Variants in FAM110B observed in about 807,000 individuals in gnomAD.
FAM110B encodes the protein protein FAM110B.
In FAM110B, 6 loss-of-function variants were observed where a neutral mutation model predicts 20.4. The ratio of observed to expected loss-of-function variants is 0.29; its 90% CI spans 0.16 to 0.58. The LOEUF (loss-of-function observed/expected upper bound fraction) is 0.58. Among genes scored for constraint, FAM110B ranks in the 20% least tolerant of loss-of-function variants. The pLI is 0.90. For synonymous variants in FAM110B, 226 were observed against 214.1 expected (o/e 1.06, Z -0.49); for missense variants, 434 against 498.2 (o/e 0.87, Z 1.23).
At position 58,078,750 on chromosome 8, in the gene FAM110B, C is replaced by T. The variant is rs113359199; in HGVS notation, c.-325+3127C>T. ...TATTTTTAGTAGAGACGGGGTTTCACCATGTTAGCCAGGATGGTCTGGATC... is the reference window on the plus strand; with the variant it reads ...TATTTTTAGTAGAGACGGGGTTTCATCATGTTAGCCAGGATGGTCTGGATC... On this transcript the variant is annotated intron_variant, in intron 3 of 3. Coordinates refer to ENST00000519262, the MANE Select transcript of FAM110B (RefSeq NM_001377989.1). Among the ~76,000 whole-genome samples, 1,076 of 151,804 alleles carry T rather than the reference C, an allele frequency of 7.1e-3. 19 individuals are homozygous for T. The highest frequency in any genetic ancestry group is 0.025 in the African/African-American group (1,018 of 41,378).
At chr8:58,145,068 G>T (rs1406001484) in intron 3 of FAM110B, among the ~76,000 whole-genome samples, 1 of 152,076 alleles carries the variant, frequency 6.6e-6, no homozygotes, top group African/African-American at 2.4e-5. Context: ...TAGAGGATTT[G>T]GGAATATACA....
At chr8:58,094,685 G>T (rs760320968) in intron 3 of FAM110B, among the ~76,000 whole-genome samples, 1 of 152,118 alleles carries the variant, frequency 6.6e-6, no homozygotes, top group Non-Finnish European at 1.5e-5. Context: ...ATCGATGTTC[G>T]TCAGGGATAT....
chr8:58,016,048 C>T (rs7006812), intron 1 of FAM110B, among the ~76,000 whole-genome samples: 16,701 of 152,044 alleles, frequency 0.11, 1,437 homozygotes, highest in African/African-American at 0.23. Flanking sequence ...TAATACCTCA[C>T]GAAAACAAAG....
At chr8:58,088,026 A>G (rs1192207124) in intron 3 of FAM110B, among the ~76,000 whole-genome samples, 1 of 152,162 alleles carries the variant, frequency 6.6e-6, no homozygotes, top group African/African-American at 2.4e-5. Context: ...TAGGACCTCA[A>G]CTCAATACCT....
chr8:58,067,196 C>T (rs1308302627), intron 2 of FAM110B, among the ~76,000 whole-genome samples: 1 of 152,172 alleles, frequency 6.6e-6, no homozygotes, highest in Non-Finnish European at 1.5e-5. Context: ...TTTCAGTCTC[C>T]AGGGTTAGAG....
intron 3 of FAM110B, among the ~76,000 whole-genome samples, chr8:58,094,954 G>A (rs78019308): frequency 0.023 from 3,563 of 152,138 alleles, 59 homozygotes; most frequent in Non-Finnish European, 0.031. Flanking sequence ...TCAGGGATTC[G>A]ATTTCTTCAT....
chr8:58,042,850 C>CT (rs1805247881), intron 2 of FAM110B, among the ~76,000 whole-genome samples: 1 of 152,290 alleles, frequency 6.6e-6, no homozygotes, highest in African/African-American at 2.4e-5. Context: ...CATGCCAGGA[C>CT]TTTTTCTGGT....
At chr8:58,091,591 C>G (rs1806478694) in intron 3 of FAM110B, 1 of 152,102 alleles carries the variant, frequency 6.6e-6, no homozygotes, top group Non-Finnish European at 1.5e-5. Context: ...CACCAGGCTT[C>G]CATCAGAGCC....
intron 1 of FAM110B, among the ~76,000 whole-genome samples, chr8:58,006,440 A>G (rs1397000822): frequency 6.6e-6 from 1 of 152,070 alleles, no homozygotes; most frequent in Admixed American, 6.5e-5. Flanking sequence ...CCCTAGTGCT[A>G]TGGCCATGGC....
chr8:58,146,708 G>C lies in FAM110B; in HGVS notation c.478G>C (p.Ala160Pro), dbSNP rs771272946. The stretch of plus-strand genomic sequence containing the variant: ...CACTGACCTGCACCGTCACTCCTTC[G>C]CGGAGTCCCTGAAGGTCTACCCCAC... Reference protein sequence around the residue: ...EATDLHRHSFAESLKVYPTQG... With the variant: ...EATDLHRHSFPESLKVYPTQG... The change falls in exon 4 of 4, where the codon GCG (alanine) becomes CCG (proline). Residue 160 changes from alanine to proline, a missense_variant. Transcript: ENST00000519262. The C allele has an allele frequency of 1.2e-6, 2 of 1,612,114 alleles. No homozygotes were observed. The highest frequency in any genetic ancestry group is 3.3e-5 in the Admixed American group (2 of 59,804).
At chr8:58,074,849 C>G (rs759764571) in intron 2 of FAM110B, among the ~76,000 whole-genome samples, 1 of 152,004 alleles carries the variant, frequency 6.6e-6, no homozygotes, top group Admixed American at 6.6e-5. Context: ...CTCTGAGGCC[C>G]CTTTAAACTC....
At chr8:58,006,502 C>G (rs1227502372) in intron 1 of FAM110B, among the ~76,000 whole-genome samples, 2 of 152,068 alleles carry the variant, frequency 1.3e-5, no homozygotes, top group African/African-American at 4.8e-5. Flanking sequence ...AGAGTTTTAT[C>G]TAGACCTCCT....
At chr8:58,056,936 G>A (rs1805557992) in intron 2 of FAM110B, among the ~76,000 whole-genome samples, 1 of 152,168 alleles carries the variant, frequency 6.6e-6, no homozygotes, top group African/African-American at 2.4e-5. Flanking sequence ...GGGACGCAAG[G>A]CCGAAAATGA....
Position 58,038,151 on chromosome 8 carries a change from T to C in FAM110B, c.-414+6448T>C, listed in dbSNP as rs80185339. Reference sequence around the variant, plus strand: ...AGCGTGTGGTCCTCTCCCTGAGTGATTGCTGATGACATAGAAATGCATGGT... The same window carrying C: ...AGCGTGTGGTCCTCTCCCTGAGTGACTGCTGATGACATAGAAATGCATGGT... On this transcript the variant is annotated intron_variant, in intron 2 of 3. Coordinates refer to ENST00000519262, the MANE Select transcript of FAM110B (RefSeq NM_001377989.1). 6.2e-3 allele frequency among the ~76,000 whole-genome samples: 944 copies of C among 152,332 alleles called. 5 individuals are homozygous for C. Among genetic ancestry groups the C allele is most frequent in the Admixed American group, 8.8e-3 (134 of 15,296 alleles).
At chr8:58,042,365 G>A (rs555700621) in intron 2 of FAM110B, among the ~76,000 whole-genome samples, 157 of 152,366 alleles carry the variant, frequency 1.0e-3, no homozygotes, top group African/African-American at 3.6e-3. Context: ...TGCAATGTCA[G>A]CATCATGCAG....
chr8:58,040,384 C>T (rs562037570), intron 2 of FAM110B, among the ~76,000 whole-genome samples: 1 of 152,304 alleles, frequency 6.6e-6, no homozygotes, highest in South Asian at 2.1e-4. Flanking sequence ...TCCCAGTGAG[C>T]ATGTGCCATA....
chr8:57,995,950 G>A (rs1410810244), intron 1 of FAM110B, among the ~76,000 whole-genome samples: 2 of 152,166 alleles, frequency 1.3e-5, no homozygotes, highest in Non-Finnish European at 2.9e-5. Context: ...ATGGATAGTA[G>A]GACTTCCATT....
intron 3 of FAM110B, among the ~76,000 whole-genome samples, chr8:58,103,261 T>C (rs565671422): frequency 2.0e-5 from 3 of 152,052 alleles, no homozygotes. Flanking sequence ...CATGCTGGTG[T>C]GCTGCACCCA....
At chr8:58,036,637 G>T (rs915260195) in intron 2 of FAM110B, among the ~76,000 whole-genome samples, 1 of 152,314 alleles carries the variant, frequency 6.6e-6, no homozygotes, top group African/African-American at 2.4e-5. Flanking sequence ...ATCTGAATGG[G>T]ATAGATTAGT....
Sources: allele counts gnomAD v4.1 joint callset (sites outside exome capture counted in the v4.1 genomes callset), GRCh38; gene constraint gnomAD v4.1.1; transcripts MANE v1.5; gene names NCBI Gene and HGNC (gene_info 2026-07-23, HGNC 2026-07-21).